The following SMARCC1 variants were observed in gnomAD, a reference collection of about 807,000 sequenced individuals.
SMARCC1 encodes SWI/SNF related BAF chromatin remodeling complex subunit C1, also known as SWI/SNF complex subunit SMARCC1.
A neutral mutation model predicts 147.4 loss-of-function variants in SMARCC1; 43 were observed. That is an observed-to-expected ratio of 0.29 (90% CI 0.23 to 0.38). The LOEUF is 0.38. SMARCC1 is among the 10% of genes least tolerant of loss of function. The pLI is 1.00. For missense variants in SMARCC1, 1,119 were observed against 1,381.1 expected (o/e 0.81, Z 3.01); for synonymous variants, 495 against 484.4 (o/e 1.02, Z -0.29).
intron 2 of SMARCC1, among the ~76,000 whole-genome samples, chr3:47,767,602 G>A (rs1480162982): frequency 1.4e-5 from 2 of 141,594 alleles, no homozygotes; most frequent in East Asian, 4.8e-4. Flanking sequence ...GGGTGCGGTG[G>A]CTCACGCCTG....
At chr3:47,624,615 T>A (rs1362699133) in intron 24 of SMARCC1, among the ~76,000 whole-genome samples, 1 of 152,128 alleles carries the variant, frequency 6.6e-6, no homozygotes, top group Non-Finnish European at 1.5e-5. Flanking sequence ...ACTAAAAAGC[T>A]CACTTCCTAC....
chr3:47,690,408 C>T (rs185093189), intron 12 of SMARCC1, among the ~76,000 whole-genome samples: 2 of 152,146 alleles, frequency 1.3e-5, no homozygotes, highest in Admixed American at 1.3e-4. Context: ...GAAAAGGTGG[C>T]CTTTAAGCTG....
rs549471925 is a variant in SMARCC1, at chr3:47,735,051, G to A, written c.576+983C>T. 9.9e-5 allele frequency among the ~76,000 whole-genome samples: 15 copies of A among 152,124 alleles called. No individual in the cohort carries two copies. In the East Asian group the frequency reaches 1.2e-3, roughly 12 times the overall value. ...ATTACAGGCGTGAGCCACCACGCCC[G>A]GCCTTCAATTTTTTTTTTTAAATCA... On this transcript the variant is annotated intron_variant, in intron 5 of 27. Coordinates refer to ENST00000254480, the MANE Select transcript of SMARCC1 (RefSeq NM_003074.4).
At chr3:47,693,130 C>G (rs908142938) in intron 12 of SMARCC1, 111 bp downstream of exon 12, 1 of 732,336 alleles carries the variant, frequency 1.4e-6, no homozygotes, top group Admixed American at 2.3e-5. Flanking sequence ...TATTACACCA[C>G]TGCACTCCAG....
chr3:47,740,955 T>C lies in SMARCC1; in HGVS notation c.402-2845A>G, dbSNP rs2034503308. 4.0e-5 allele frequency among the ~76,000 whole-genome samples: 6 copies of C among 151,676 alleles called. No homozygotes were observed. In the South Asian group the frequency reaches 1.2e-3, roughly 31 times the overall value. ...AATGACTCTAGGCAGTGAACATCAATGTCTGCCCACTACACACATAAACAA... is the reference window on the plus strand; with the variant it reads ...AATGACTCTAGGCAGTGAACATCAACGTCTGCCCACTACACACATAAACAA... On this transcript the variant is annotated intron_variant, in intron 3 of 27. Coordinates refer to ENST00000254480, the MANE Select transcript of SMARCC1 (RefSeq NM_003074.4).
chr3:47,622,822 A>G (rs1559627789), intron 24 of SMARCC1, among the ~76,000 whole-genome samples: 1 of 152,200 alleles, frequency 6.6e-6, no homozygotes, highest in Non-Finnish European at 1.5e-5. Context: ...GGGGAAAACA[A>G]TATTTGATCT....
intron 6 of SMARCC1, among the ~76,000 whole-genome samples, chr3:47,725,903 A>G (rs2034293419): frequency 6.6e-6 from 1 of 151,848 alleles, no homozygotes; most frequent in African/African-American, 2.4e-5. Flanking sequence ...CTCTACTAAA[A>G]ATACAAACAT....
chr3:47,596,714 C>T (rs2032289066), intron 26 of SMARCC1, among the ~76,000 whole-genome samples: 1 of 151,908 alleles, frequency 6.6e-6, no homozygotes. Context: ...AGGTGCATGC[C>T]ACCATGCCCA....
In SMARCC1 at chr3:47,588,306, T is replaced by A. The variant is rs1329148264; in HGVS notation, c.3221A>T (p.Tyr1074Phe). The A allele has an allele frequency of 1.2e-6, 2 of 1,613,092 alleles. No homozygotes were observed. The highest frequency in any genetic ancestry group is 1.7e-6 in the Non-Finnish European group (2 of 1,179,474). ...TGGCTGCTGCTGTGGTGGAGGGGGA[T>A]CTGCAAACATATCCAAGAGTAACTC... The part of the protein sequence containing the change: ...RVPLTAPNGM[Y>F]PPPPQQQPPP... The change falls in exon 28 of 28, where the codon TAT (tyrosine) becomes TTT (phenylalanine). Residue 1074 changes from tyrosine to phenylalanine, a missense_variant and splice_region_variant. Around this residue, in one of 6 missense-constraint regions of SMARCC1, gnomAD observed 186 missense variants for 216.5 expected, o/e 0.86. Transcript: ENST00000254480.
At chr3:47,720,553 A>T in intron 7 of SMARCC1, 113 bp downstream of exon 7, 1 of 768,016 alleles carries the variant, frequency 1.3e-6, no homozygotes, top group Non-Finnish European at 2.2e-6. Context: ...AGTGAGAAAA[A>T]TGACTAAACA....
At chr3:47,742,398 C>A (rs943891715) in intron 3 of SMARCC1, among the ~76,000 whole-genome samples, 44 of 152,096 alleles carry the variant, frequency 2.9e-4, no homozygotes, top group African/African-American at 1.0e-3. Flanking sequence ...GGTATTTAAT[C>A]TCTCCTTTGG....
chr3:47,698,740 C>G (rs1224877319), intron 11 of SMARCC1, among the ~76,000 whole-genome samples: 1 of 150,888 alleles, frequency 6.6e-6, no homozygotes, highest in East Asian at 1.9e-4. Flanking sequence ...GCTATAATAG[C>G]AAAAACAATA....
In SMARCC1 at chr3:47,714,467, T is replaced by C. The variant is rs1249142348; in HGVS notation, c.740A>G (p.Asn247Ser). 6.3e-7 allele frequency: 1 copy of C among 1,584,974 alleles called. No homozygotes were observed. Among genetic ancestry groups the C allele is most frequent in the South Asian group, 1.1e-5 (1 of 89,756 alleles). Residue 247 changes from asparagine to serine, a missense_variant, in exon 8 of 28, where the codon AAT (asparagine) becomes AGT (serine). Transcript: ENST00000254480. ...ATCTTCAATTTCAGCATCAACATCA[T>C]TACTATGGACCCAAGTATCATAGCT... The part of the protein sequence containing the change: ...PDSYDTWVHS[N>S]DVDAEIEDPP...
intron 21 of SMARCC1, among the ~76,000 whole-genome samples, chr3:47,654,845 G>T (rs2033240117): frequency 6.6e-6 from 1 of 152,182 alleles, no homozygotes; most frequent in Non-Finnish European, 1.5e-5. Context: ...ATAGCACCAA[G>T]CCATTTATGA....
chr3:47,636,847 T>C (rs542829347), intron 22 of SMARCC1, among the ~76,000 whole-genome samples: 1 of 148,888 alleles, frequency 6.7e-6, no homozygotes, highest in South Asian at 2.1e-4. Flanking sequence ...TACTTAATAA[T>C]TACTGATTGA....
rs536492923 is a variant in SMARCC1 at position 47,729,534 on chromosome 3, C to T, written c.577-440G>A. Among the ~76,000 whole-genome samples the T allele has an allele frequency of 3.4e-3, 512 of 152,212 alleles. 4 individuals are homozygous for T. The highest frequency in any genetic ancestry group is 5.0e-3 in the Non-Finnish European group (340 of 68,004). On this transcript the variant is annotated intron_variant, in intron 5 of 27. Transcript: ENST00000254480. Reference sequence around the variant, plus strand: ...CTGAGTAGCTGGGATTACAGGCACCCGCCAGCACGCCTGGCTAATTTTTCT... The same window carrying T: ...CTGAGTAGCTGGGATTACAGGCACCTGCCAGCACGCCTGGCTAATTTTTCT...
intron 25 of SMARCC1, among the ~76,000 whole-genome samples, chr3:47,615,894 G>C (rs1172397343): frequency 6.6e-6 from 1 of 152,114 alleles, no homozygotes; most frequent in Non-Finnish European, 1.5e-5. Context: ...ATGTTGGCCA[G>C]GCTGGTCTCG....
At chr3:47,736,857 A>G (rs2034450195) in intron 4 of SMARCC1, among the ~76,000 whole-genome samples, 2 of 152,284 alleles carry the variant, frequency 1.3e-5, no homozygotes, top group South Asian at 4.1e-4. Flanking sequence ...TTAAGTTAAC[A>G]ATAATATCTA....
intron 6 of SMARCC1, among the ~76,000 whole-genome samples, chr3:47,722,373 C>A (rs2106812076): frequency 6.7e-6 from 1 of 148,492 alleles, no homozygotes; most frequent in Non-Finnish European, 1.5e-5. Flanking sequence ...TCTCGGCTCA[C>A]CACAACCTCT....
Sources: gnomAD v4.1 joint callset for allele counts (sites outside exome capture counted in the v4.1 genomes callset) on GRCh38, gnomAD v4.1.1 for gene constraint, gnomAD v4.1.1 regional missense constraint, MANE v1.5 for transcripts, NCBI Gene and HGNC (gene_info 2026-07-23, HGNC 2026-07-21) for gene names.